The following MSN variants were observed in gnomAD, a reference collection of about 807,000 sequenced individuals.
MSN encodes epididymis luminal protein 70.
In MSN, 2 loss-of-function variants were observed where a neutral mutation model predicts 48.0. That is an observed-to-expected ratio of 0.04 (90% CI 0.02 to 0.13). The LOEUF is 0.13. Among genes scored for constraint, MSN ranks in the 10% least tolerant of loss-of-function variants. The pLI is 1.00. For missense variants in MSN, 267 were observed against 470.1 expected, an observed-to-expected ratio of 0.57 and a Z score of 3.99; for synonymous variants, 146 against 166.9, an observed-to-expected ratio of 0.87 and a Z score of 0.97.
intron 1 of MSN, among the ~76,000 whole-genome samples, chrX:65,648,844 C>T (rs1372870377): frequency 9.1e-6 from 1 of 109,919 alleles, no homozygotes; most frequent in African/African-American, 3.3e-5. Context: ...GCCTGGGTGA[C>T]AGTGTGAGCC....
At chrX:65,705,002 C>T (rs1052428222) in intron 1 of MSN, among the ~76,000 whole-genome samples, 5 of 110,585 alleles carry the variant, frequency 4.5e-5, no homozygotes, top group African/African-American at 1.6e-4. Flanking sequence ...AACTCCTGAC[C>T]TCAGGTGATC....
intron 1 of MSN, among the ~76,000 whole-genome samples, chrX:65,705,659 C>G (rs747475010): frequency 1.6e-4 from 18 of 112,031 alleles, no homozygotes; most frequent in Admixed American, 9.4e-4. Flanking sequence ...GACCTGAACT[C>G]TGCTCCCACA....
At chrX:65,636,776 C>CAAAAAAAAA (rs2070604946) in intron 1 of MSN, among the ~76,000 whole-genome samples, 6 of 82,868 alleles carry the variant, frequency 7.2e-5, no homozygotes, top group African/African-American at 3.0e-4. Flanking sequence ...AAAAAAAAAC[C>CAAAAAAAAA]AGAAAGAAAG....
At chrX:65,708,568 C>T (rs1034546165) in intron 1 of MSN, among the ~76,000 whole-genome samples, 2 of 111,848 alleles carry the variant, frequency 1.8e-5, no homozygotes, top group African/African-American at 3.3e-5. Context: ...GCGGGGATTA[C>T]AGGTGTGAGC....
intron 1 of MSN, among the ~76,000 whole-genome samples, chrX:65,688,513 G>T (rs1183964899): frequency 2.7e-5 from 3 of 112,089 alleles, no homozygotes; most frequent in Non-Finnish European, 5.6e-5. Context: ...TTTCGACTAT[G>T]CACGGGGTGG....
chrX:65,619,546 T>A (rs1156796023), intron 1 of MSN, among the ~76,000 whole-genome samples: 2 of 99,364 alleles, frequency 2.0e-5, no homozygotes, highest in Non-Finnish European at 3.8e-5. Context: ...CGAGCCTTGG[T>A]TTTCAGCTCC....
intron 1 of MSN, among the ~76,000 whole-genome samples, chrX:65,670,240 A>C (rs2070917638): frequency 8.9e-6 from 1 of 112,064 alleles, no homozygotes; most frequent in African/African-American, 3.2e-5. Flanking sequence ...AAAAGGGGAA[A>C]AAATTTCCCT....
At chrX:65,636,195 G>C (rs2070598040) in intron 1 of MSN, among the ~76,000 whole-genome samples, 1 of 111,380 alleles carries the variant, frequency 9.0e-6, no homozygotes, top group Non-Finnish European at 1.9e-5. Context: ...AGCCCTGACT[G>C]TGTCACTTCT....
At chrX:65,599,557 C>T (rs760062113) in intron 1 of MSN, among the ~76,000 whole-genome samples, 8 of 111,862 alleles carry the variant, frequency 7.2e-5, no homozygotes, top group South Asian at 3.7e-4. Flanking sequence ...CACTTGAACC[C>T]GTAAGGCGGA....
At chrX:65,695,104 GTGT>G (rs564636181) in intron 1 of MSN, among the ~76,000 whole-genome samples, 18,701 of 106,531 alleles carry the variant, frequency 0.18, 5,000 homozygotes, top group African/African-American at 0.66. Flanking sequence ...GTGTGTGTGT[GTGT>G]GTGGTGGTGG....
intron 1 of MSN, among the ~76,000 whole-genome samples, chrX:65,705,735 A>C (rs979996422): frequency 3.6e-5 from 4 of 111,961 alleles, no homozygotes; most frequent in African/African-American, 9.8e-5. Flanking sequence ...AGTAACTCTC[A>C]GTTTCCAGTG....
At chrX:65,649,587 A>AT (rs1255427809) in intron 1 of MSN, among the ~76,000 whole-genome samples, 13 of 95,695 alleles carry the variant, frequency 1.4e-4, no homozygotes, top group Non-Finnish European at 2.2e-4. Flanking sequence ...AAAAAAAAAA[A>AT]AATATATATA....
intron 1 of MSN, among the ~76,000 whole-genome samples, chrX:65,610,480 C>T (rs892010179): frequency 7.2e-5 from 8 of 111,698 alleles, no homozygotes; most frequent in East Asian, 2.8e-4. Context: ...ATGTATATAC[C>T]GTATTTTATT....
chrX:65,613,700 C>T (rs1437351325), intron 1 of MSN, among the ~76,000 whole-genome samples: 1 of 112,137 alleles, frequency 8.9e-6, no homozygotes, highest in Non-Finnish European at 1.9e-5. Flanking sequence ...ATGTCCTCTG[C>T]TCACTTTTTG....
intron 1 of MSN, among the ~76,000 whole-genome samples, chrX:65,606,046 G>A (rs776482734): frequency 2.7e-5 from 3 of 110,079 alleles, no homozygotes; most frequent in South Asian, 7.8e-4. Context: ...AGGCTCAAGC[G>A]ATCCTTCTAC....
At chrX:65,711,312 G>A (rs1473875038) in intron 1 of MSN, among the ~76,000 whole-genome samples, 6 of 110,656 alleles carry the variant, frequency 5.4e-5, no homozygotes, top group African/African-American at 1.6e-4. Context: ...CACCTGCCTC[G>A]GCCTCCCAAA....
At position 65,729,486 on chromosome X, in the gene MSN, C is replaced by T. The variant is rs140370180; in HGVS notation, c.241C>T (p.Arg81Cys). The change falls in exon 4 of 13, where the codon CGT becomes TGT. Residue 81 changes from arginine (R) to cysteine (C), a missense_variant. Arg to Cys is a radical substitution (Grantham distance 180). This residue lies in a region of MSN where 89 missense variants were observed against 151.0 expected (regional missense o/e 0.59). Transcript: ENST00000360270. ...RKESPLLFKFRAKFYPEDVSE... is the reference protein window; with the variant it reads ...RKESPLLFKFCAKFYPEDVSE... ...GGAAAGCCCCCTGCTCTTTAAGTTC[C>T]GTGCCAAGTTCTACCCTGAGGATGT... 1.5e-5 allele frequency: 18 copies of T among 1,209,518 alleles called. No individual in the cohort carries two copies. The highest frequency in any genetic ancestry group is 1.3e-4 in the Admixed American group (6 of 45,707).
chrX:65,679,566 G>T (rs181056296), intron 1 of MSN, among the ~76,000 whole-genome samples: 1 of 112,147 alleles, frequency 8.9e-6, no homozygotes, highest in Admixed American at 9.4e-5. Flanking sequence ...TAGTCCTGGA[G>T]ATCAAAGGAG....
intron 1 of MSN, among the ~76,000 whole-genome samples, chrX:65,640,007 G>A (rs1000209736): frequency 1.2e-4 from 13 of 111,518 alleles, no homozygotes; most frequent in Non-Finnish European, 2.4e-4. Flanking sequence ...CAGAAAGGAA[G>A]GACACACATG....
Sources: gnomAD v4.1 joint callset for allele counts (sites outside exome capture counted in the v4.1 genomes callset) on GRCh38, gnomAD v4.1.1 for gene constraint, gnomAD v4.1.1 regional missense constraint, MANE v1.5 for transcripts, NCBI Gene and HGNC (gene_info 2026-07-23, HGNC 2026-07-21) for gene names.